The following MACROD2 variants were observed in gnomAD, a reference collection of about 807,000 sequenced individuals.
MACROD2 encodes the protein ADP-ribose glycohydrolase MACROD2.
In MACROD2, 36 loss-of-function variants were observed where a neutral mutation model predicts 70.4. The observed-to-expected ratio is 0.51, with a 90% confidence interval of 0.39 to 0.68. The LOEUF is 0.68. MACROD2 is among the 30% of genes least tolerant of loss of function. The pLI, the probability that MACROD2 is intolerant of heterozygous loss-of-function variation, is 0.00. For missense variants in MACROD2, 496 were observed against 538.4 expected, an observed-to-expected ratio of 0.92 and a Z score of 0.78; for synonymous variants, 172 against 178.8, an observed-to-expected ratio of 0.96 and a Z score of 0.30.
intron 4 of MACROD2, among the ~76,000 whole-genome samples, chr20:14,504,693 C>T (rs926744333): frequency 1.3e-5 from 2 of 152,120 alleles, no homozygotes; most frequent in African/African-American, 2.4e-5. Context: ...CTAGGCTTGT[C>T]TCTCCTTCTT....
At chr20:14,350,888 G>T (rs1306074807) in intron 3 of MACROD2, among the ~76,000 whole-genome samples, 4 of 152,162 alleles carry the variant, frequency 2.6e-5, no homozygotes, top group Non-Finnish European at 5.9e-5. Context: ...TGAGGTCTCA[G>T]ATTTCAATCT....
At chr20:15,480,796 C>G (rs2047086844) in intron 7 of MACROD2, among the ~76,000 whole-genome samples, 1 of 152,138 alleles carries the variant, frequency 6.6e-6, no homozygotes, top group African/African-American at 2.4e-5. Flanking sequence ...TTGATACCAT[C>G]TTTTTGGAAT....
At chr20:15,295,388 C>A (rs1458057262) in intron 6 of MACROD2, among the ~76,000 whole-genome samples, 1 of 152,088 alleles carries the variant, frequency 6.6e-6, no homozygotes, top group Non-Finnish European at 1.5e-5. Context: ...ACAATTCTTC[C>A]TGCCTTTCCT....
chr20:14,773,948 G>A (rs1304264373), intron 5 of MACROD2, among the ~76,000 whole-genome samples: 2 of 152,076 alleles, frequency 1.3e-5, no homozygotes, highest in East Asian at 3.8e-4. Context: ...ACTACCACCT[G>A]ATAGGAAAGC....
At chr20:15,234,275 G>T (rs1196840976) in intron 6 of MACROD2, among the ~76,000 whole-genome samples, 1 of 149,688 alleles carries the variant, frequency 6.7e-6, no homozygotes. Context: ...CTCGTGATCC[G>T]CCCGCCTCGG....
intron 8 of MACROD2, among the ~76,000 whole-genome samples, chr20:15,539,414 A>T (rs2146563821): frequency 6.6e-6 from 1 of 152,360 alleles, no homozygotes; most frequent in Non-Finnish European, 1.5e-5. Flanking sequence ...ATATCACATG[A>T]AACGGGCCAA....
At chr20:14,686,727 G>A (rs925250952) in intron 5 of MACROD2, among the ~76,000 whole-genome samples, 7 of 152,066 alleles carry the variant, frequency 4.6e-5, no homozygotes, top group African/African-American at 7.2e-5. Flanking sequence ...ATTACATAAC[G>A]ATGAAATCAC....
intron 6 of MACROD2, among the ~76,000 whole-genome samples, chr20:15,249,697 A>G (rs989684551): frequency 1.1e-4 from 17 of 152,238 alleles, no homozygotes; most frequent in African/African-American, 3.4e-4. Context: ...AGATCATGCA[A>G]CGTTCCTTTT....
intron 9 of MACROD2, among the ~76,000 whole-genome samples, chr20:15,869,230 T>TAGAGAGAGAG (rs1287573400): frequency 1.1e-4 from 4 of 37,688 alleles, no homozygotes; most frequent in Admixed American, 6.0e-4. Flanking sequence ...TATATATATA[T>TAGAGAGAGAG]ATATATATAG....
intron 5 of MACROD2, among the ~76,000 whole-genome samples, chr20:15,174,469 T>C (rs940248737): frequency 3.9e-5 from 6 of 152,182 alleles, no homozygotes; most frequent in Admixed American, 3.9e-4. Context: ...AACATATGTG[T>C]GCATGTGTCT....
At chr20:15,611,576 G>A (rs564052000) in intron 8 of MACROD2, among the ~76,000 whole-genome samples, 5 of 152,064 alleles carry the variant, frequency 3.3e-5, no homozygotes, top group African/African-American at 1.2e-4. Context: ...TAGAGTAGGT[G>A]CTGGTCACAG....
intron 15 of MACROD2, among the ~76,000 whole-genome samples, chr20:16,032,857 G>A (rs1337283645): frequency 3.3e-5 from 5 of 151,742 alleles, no homozygotes; most frequent in Non-Finnish European, 5.9e-5. Flanking sequence ...AGGAAAATGA[G>A]GAAAAGGTAA....
intron 6 of MACROD2, among the ~76,000 whole-genome samples, chr20:15,268,677 A>G (rs906508806): frequency 6.6e-6 from 1 of 152,100 alleles, no homozygotes; most frequent in Admixed American, 6.5e-5. Context: ...ATAAATTGAA[A>G]TTCCCTTCCC....
At chr20:14,013,996 T>C (rs1192516487) in intron 2 of MACROD2, among the ~76,000 whole-genome samples, 2 of 152,216 alleles carry the variant, frequency 1.3e-5, no homozygotes. Context: ...TTTTTTGATA[T>C]ATATAAACAT....
At chr20:16,021,834 C>T (rs1057366489) in intron 15 of MACROD2, among the ~76,000 whole-genome samples, 6 of 152,048 alleles carry the variant, frequency 3.9e-5, no homozygotes, top group South Asian at 2.1e-4. Context: ...TCTTTTATAC[C>T]GCTATTTCTT....
intron 5 of MACROD2, among the ~76,000 whole-genome samples, chr20:14,794,836 C>T (rs1203082077): frequency 1.3e-5 from 2 of 151,962 alleles, no homozygotes; most frequent in Non-Finnish European, 1.5e-5. Context: ...AGTAGAAAAA[C>T]AGCAATTAAA....
intron 5 of MACROD2, among the ~76,000 whole-genome samples, chr20:14,879,596 C>T (rs1443227123): frequency 6.6e-6 from 1 of 152,144 alleles, no homozygotes; most frequent in Non-Finnish European, 1.5e-5. Flanking sequence ...CATAAGCCTG[C>T]TTTGTTAGTC....
rs1454486139 is a variant in MACROD2, at chr20:15,057,110, T to A, written c.419-172830T>A. 6.6e-5 allele frequency among the ~76,000 whole-genome samples: 10 copies of A among 152,276 alleles called. No homozygotes were observed. In the South Asian group the frequency reaches 1.0e-3, roughly 16 times the overall value. On this transcript the variant is annotated intron_variant, in intron 5 of 17. Transcript: ENST00000684519. ...TTTATGCCCTACCATATATATTTTT[T>A]AAAAAAGTGTGTGTGATAGCTTTAT...
intron 5 of MACROD2, among the ~76,000 whole-genome samples, chr20:15,200,070 C>T (rs1329749910): frequency 1.2e-5 from 1 of 86,326 alleles, no homozygotes; most frequent in African/African-American, 7.4e-5. Flanking sequence ...GAAAAATTAT[C>T]TTCTTTCAAG....
Sources: allele counts gnomAD v4.1 joint callset (sites outside exome capture counted in the v4.1 genomes callset), GRCh38; gene constraint gnomAD v4.1.1; transcripts MANE v1.5; gene names NCBI Gene and HGNC (gene_info 2026-07-23, HGNC 2026-07-21).